Variants in RAP1GAP2 observed in about 807,000 individuals in gnomAD.
RAP1GAP2 encodes RAP1 GTPase activating protein 2, also known as rap1 GTPase-activating protein 2.
Under a neutral mutation model 95.0 loss-of-function variants are expected in RAP1GAP2, and 27 were observed. That is an observed-to-expected ratio of 0.28 (90% CI 0.21 to 0.39). The LOEUF (loss-of-function observed/expected upper bound fraction) is 0.39. RAP1GAP2 is among the 10% of genes least tolerant of loss of function. RAP1GAP2 has a pLI of 1.00. For synonymous variants in RAP1GAP2, 373 were observed against 380.9 expected, an observed-to-expected ratio of 0.98 and a Z score of 0.24; for missense variants, 771 against 970.0, an observed-to-expected ratio of 0.79 and a Z score of 2.72.
intron 2 of RAP1GAP2, among the ~76,000 whole-genome samples, chr17:2,824,165 G>T (rs112312133): frequency 0.17 from 24,589 of 148,302 alleles, 2,772 homozygotes; most frequent in African/African-American, 0.32. Context: ...AACAGCACAT[G>T]GGCCAGGTGT....
intron 2 of RAP1GAP2, among the ~76,000 whole-genome samples, chr17:2,834,500 G>C (rs2071043580): frequency 6.6e-6 from 1 of 152,152 alleles, no homozygotes; most frequent in Non-Finnish European, 1.5e-5. Context: ...AACTTCAAGA[G>C]AGGAAGGACC....
upstream of RAP1GAP2, among the ~76,000 whole-genome samples, chr17:2,772,521 C>T (rs1338156777): frequency 4.6e-5 from 7 of 151,842 alleles, no homozygotes; most frequent in Admixed American, 2.6e-4. Context: ...TGGTCAACTC[C>T]TAGGTTCAAG....
intron 3 of RAP1GAP2, among the ~76,000 whole-genome samples, chr17:2,954,703 C>T (rs937466237): frequency 6.6e-6 from 1 of 152,120 alleles, no homozygotes; most frequent in Non-Finnish European, 1.5e-5. Flanking sequence ...AAGCGATTCT[C>T]CTGCCTCAGC....
intron 3 of RAP1GAP2, among the ~76,000 whole-genome samples, chr17:2,936,803 G>C (rs992179069): frequency 1.3e-5 from 2 of 152,188 alleles, no homozygotes; most frequent in African/African-American, 4.8e-5. Flanking sequence ...TTGCAGGAGA[G>C]CCATTGCCCA....
At chr17:2,993,099 G>A (rs1396289958) in intron 12 of RAP1GAP2, among the ~76,000 whole-genome samples, 1 of 150,848 alleles carries the variant, frequency 6.6e-6, no homozygotes, top group Non-Finnish European at 1.5e-5. Flanking sequence ...GCAGGTGCCT[G>A]TCGTCCCAGC....
upstream of RAP1GAP2, among the ~76,000 whole-genome samples, chr17:2,775,818 T>C: frequency 6.6e-6 from 1 of 152,300 alleles, no homozygotes; most frequent in East Asian, 1.9e-4. Flanking sequence ...TCGTTCCTTC[T>C]ACGCCTTCAC....
intron 4 of RAP1GAP2, chr17:2,962,106 T>C (rs2151484081): frequency 6.5e-6 from 1 of 153,394 alleles, no homozygotes; most frequent in East Asian, 1.9e-4. Context: ...TTCTCCATGT[T>C]GGTCAGGCTG....
At chr17:2,905,460 C>G in intron 3 of RAP1GAP2, 92 bp downstream of exon 3, 1 of 1,281,444 alleles carries the variant, frequency 7.8e-7, no homozygotes, top group South Asian at 1.3e-5. Context: ...CCAGCAGCGT[C>G]CGTCGCAGTG....
At chr17:2,893,300 C>T (rs2073780208) in intron 2 of RAP1GAP2, among the ~76,000 whole-genome samples, 1 of 152,170 alleles carries the variant, frequency 6.6e-6, no homozygotes, top group Non-Finnish European at 1.5e-5. Context: ...CTCAGTCTCC[C>T]AAAGTGCTGG....
At chr17:2,950,075 A>G (rs2043863426) in intron 3 of RAP1GAP2, among the ~76,000 whole-genome samples, 1 of 64,966 alleles carries the variant, frequency 1.5e-5, no homozygotes, top group African/African-American at 9.1e-5. Flanking sequence ...TTTTTTTGAG[A>G]TGGAGTCTTG....
intron 1 of RAP1GAP2, among the ~76,000 whole-genome samples, chr17:2,788,227 GGTGTGTGTGTAT>G (rs1364255681): frequency 6.6e-6 from 1 of 152,036 alleles, no homozygotes; most frequent in Non-Finnish European, 1.5e-5. Context: ...TGTATATAGG[GGTGTGTGTGTAT>G]GTGTGTGTGT....
intron 18 of RAP1GAP2, among the ~76,000 whole-genome samples, chr17:3,019,300 C>G (rs921310350): frequency 1.3e-5 from 2 of 152,040 alleles, no homozygotes; most frequent in African/African-American, 4.8e-5. Flanking sequence ...TCCCTTGAGT[C>G]CAGGAATTCG....
chr17:2,766,455 G>A (rs1007593571), intron 1 of RAP1GAP2, among the ~76,000 whole-genome samples: 3 of 152,068 alleles, frequency 2.0e-5, no homozygotes, highest in Non-Finnish European at 4.4e-5. Flanking sequence ...GGCCAACATG[G>A]CAGAAGCCCA....
intron 2 of RAP1GAP2, among the ~76,000 whole-genome samples, chr17:2,882,919 T>C (rs912682111): frequency 6.6e-6 from 1 of 152,174 alleles, no homozygotes; most frequent in Non-Finnish European, 1.5e-5. Flanking sequence ...TTACAGATAC[T>C]CGCGGAATGA....
upstream of RAP1GAP2, among the ~76,000 whole-genome samples, chr17:2,792,691 C>T (rs2068956373): frequency 6.6e-6 from 1 of 152,246 alleles, no homozygotes; most frequent in Non-Finnish European, 1.5e-5. Flanking sequence ...CCGGGCCAGT[C>T]CTGCTCCTTG....
At chr17:2,804,350 A>G (rs1446350695) in intron 2 of RAP1GAP2, among the ~76,000 whole-genome samples, 1 of 152,210 alleles carries the variant, frequency 6.6e-6, no homozygotes, top group African/African-American at 2.4e-5. Flanking sequence ...CACCTCATGA[A>G]GCAGGCACCA....
intron 3 of RAP1GAP2, among the ~76,000 whole-genome samples, chr17:2,928,764 C>T (rs1195048808): frequency 1.3e-5 from 2 of 152,056 alleles, no homozygotes; most frequent in Admixed American, 6.6e-5. Context: ...TGCACCAAGA[C>T]CCAGATGGTC....
chr17:3,025,938 C>T lies in RAP1GAP2; in HGVS notation c.1752-70C>T, dbSNP rs1210965133. The T allele has an allele frequency of 8.4e-6, 10 of 1,187,730 alleles. No homozygotes were observed. The East Asian group carries it at 2.0e-4, about 23-fold the overall frequency. 73.6% of individuals were successfully genotyped at this position (1,187,730 alleles called of 1,614,324 possible). ...CTCACCGTGCCGAGAGAGGCTCTGC[C>T]TGGGGCCGTGGATGGGGTGGGGGTT... On this transcript the variant is annotated intron_variant, in intron 19 of 24. Coordinates refer to ENST00000254695, the MANE Select transcript of RAP1GAP2 (RefSeq NM_015085.5).
intron 2 of RAP1GAP2, among the ~76,000 whole-genome samples, chr17:2,895,604 T>C (rs2041792932): frequency 6.7e-6 from 1 of 150,266 alleles, no homozygotes; most frequent in African/African-American, 2.5e-5. Context: ...TGAGACGGGG[T>C]CTTGCTCTGT....
Sources: gnomAD v4.1 joint callset for allele counts (sites outside exome capture counted in the v4.1 genomes callset) on GRCh38, gnomAD v4.1.1 for gene constraint, MANE v1.5 for transcripts, NCBI Gene and HGNC (gene_info 2026-07-23, HGNC 2026-07-21) for gene names.